PRKN: variants seen among roughly 807,000 people sequenced by gnomAD.
PRKN encodes parkin RBR E3 ubiquitin protein ligase.
In PRKN, 56 loss-of-function variants were observed where a neutral mutation model predicts 59.5. That is an observed-to-expected ratio of 0.94 (90% CI 0.76 to 1.18). PRKN has a LOEUF of 1.18. Ranked by LOEUF, PRKN falls within the 50% of genes most tolerant of loss-of-function variation. The probability of loss-of-function intolerance (pLI) is 0.00; values close to 1 mark genes in which losing one functional copy is unlikely to be tolerated. For synonymous variants in PRKN, 250 were observed against 222.1 expected, an observed-to-expected ratio of 1.13 and a Z score of -1.12; for missense variants, 657 against 596.4, an observed-to-expected ratio of 1.10 and a Z score of -1.06.
intron 2 of PRKN, among the ~76,000 whole-genome samples, chr6:162,400,255 T>G (rs1264948817): frequency 6.6e-6 from 1 of 151,240 alleles, no homozygotes; most frequent in African/African-American, 2.4e-5. Flanking sequence ...AAAGAAGATT[T>G]GAATCTACAT....
intron 2 of PRKN, chr6:162,263,253 T>C: frequency 4.8e-6 from 1 of 210,226 alleles, no homozygotes; most frequent in East Asian, 1.2e-4. Context: ...CTACGAAAAA[T>C]ATTCTTAAAT....
intron 1 of PRKN, among the ~76,000 whole-genome samples, chr6:162,558,409 A>C (rs577293577): frequency 6.9e-6 from 1 of 145,534 alleles, no homozygotes; most frequent in Non-Finnish European, 1.5e-5. Flanking sequence ...GGCTCACTGC[A>C]ACCTCCGCCT....
chr6:162,062,215 A>G (rs1160814207), intron 4 of PRKN, among the ~76,000 whole-genome samples: 2 of 152,228 alleles, frequency 1.3e-5, no homozygotes, highest in East Asian at 1.9e-4. Context: ...TAGTATGACT[A>G]TTCAGTGGAT....
intron 2 of PRKN, among the ~76,000 whole-genome samples, chr6:162,406,281 C>CA (rs1788067014): frequency 1.3e-5 from 2 of 152,286 alleles, no homozygotes; most frequent in African/African-American, 4.8e-5. Context: ...CAGATGGCTG[C>CA]AAGAGTTGGA....
intron 4 of PRKN, among the ~76,000 whole-genome samples, chr6:162,097,710 A>C (rs1006763495): frequency 6.6e-6 from 1 of 152,234 alleles, no homozygotes. Context: ...CATCTTGTTT[A>C]TTCACAAATT....
intron 4 of PRKN, among the ~76,000 whole-genome samples, chr6:162,187,811 C>T (rs540617978): frequency 9.2e-5 from 14 of 152,242 alleles, no homozygotes; most frequent in African/African-American, 3.4e-4. Flanking sequence ...ACAAAAGAAT[C>T]CTCAGTAAAA....
At chr6:161,366,980 TC>T (rs1785227515) in intron 10 of PRKN, among the ~76,000 whole-genome samples, 1 of 140,500 alleles carries the variant, frequency 7.1e-6, no homozygotes, top group South Asian at 2.2e-4. Context: ...TTTTTTTGTT[TC>T]CTTTTTTTTT....
intron 1 of PRKN, among the ~76,000 whole-genome samples, chr6:162,687,194 T>A (rs1354642645): frequency 6.6e-6 from 1 of 150,792 alleles, no homozygotes; most frequent in African/African-American, 2.4e-5. Context: ...TTTTCTTTTT[T>A]TTTTTTTTTG....
At chr6:162,247,625 T>G (rs1779254545) in intron 3 of PRKN, among the ~76,000 whole-genome samples, 1 of 152,216 alleles carries the variant, frequency 6.6e-6, no homozygotes, top group South Asian at 2.1e-4. Context: ...AATTAATAAA[T>G]TCATCTTAGA....
intron 2 of PRKN, among the ~76,000 whole-genome samples, chr6:162,377,601 C>A (rs1324378298): frequency 6.6e-6 from 1 of 152,228 alleles, no homozygotes; most frequent in Non-Finnish European, 1.5e-5. Context: ...ACACACGCCA[C>A]AGGCCCATGG....
intron 4 of PRKN, among the ~76,000 whole-genome samples, chr6:162,196,154 A>G (rs1050191705): frequency 6.6e-6 from 1 of 152,184 alleles, no homozygotes; most frequent in African/African-American, 2.4e-5. Context: ...CCATGATCAG[A>G]AAGAGTACTG....
rs138852485 is a variant in PRKN at position 161,806,011 on chromosome 6, C to T, written c.735-20103G>A. On this transcript the variant is annotated intron_variant, in intron 6 of 11. Coordinates refer to ENST00000366898, the MANE Select transcript of PRKN (RefSeq NM_004562.3). ...CGACGAGTTCTTCCCCACAGAGCAG[C>T]CTACTCCCTGGCATAGGCCTTCTGG... 8.5e-5 allele frequency among the ~76,000 whole-genome samples: 13 copies of T among 152,340 alleles called. No homozygotes were observed. The East Asian group carries it at 1.5e-3, about 18-fold the overall frequency.
At chr6:162,432,754 C>T (rs1457196451) in intron 2 of PRKN, among the ~76,000 whole-genome samples, 1 of 152,114 alleles carries the variant, frequency 6.6e-6, no homozygotes, top group African/African-American at 2.4e-5. Context: ...CAGAGTGCTT[C>T]CTGATCCTCT....
intron 6 of PRKN, among the ~76,000 whole-genome samples, chr6:161,878,503 G>A (rs1005688222): frequency 3.3e-5 from 5 of 152,036 alleles, no homozygotes; most frequent in African/African-American, 1.2e-4. Context: ...GAATTATTTT[G>A]TGTTTGAATT....
chr6:161,668,446 G>A (rs1784798289), intron 7 of PRKN, among the ~76,000 whole-genome samples: 1 of 152,082 alleles, frequency 6.6e-6, no homozygotes, highest in East Asian at 1.9e-4. Context: ...CATAATATGA[G>A]TACAGGAAAA....
intron 10 of PRKN, among the ~76,000 whole-genome samples, chr6:161,382,664 C>T (rs1440323557): frequency 2.0e-5 from 3 of 152,196 alleles, no homozygotes; most frequent in Non-Finnish European, 4.4e-5. Flanking sequence ...ACTGGACTCT[C>T]GTTAGTCTGT....
chr6:162,120,006 G>A (rs1018285728), intron 4 of PRKN, among the ~76,000 whole-genome samples: 1 of 152,126 alleles, frequency 6.6e-6, no homozygotes. Context: ...GAAGTTCTCT[G>A]TTTTGTTGTT....
At chr6:162,405,047 A>G (rs1043099569) in intron 2 of PRKN, among the ~76,000 whole-genome samples, 1 of 152,156 alleles carries the variant, frequency 6.6e-6, no homozygotes. Context: ...TGTCATAAAA[A>G]CAAAACACCA....
At chr6:162,560,091 CAT>C (rs974485964) in intron 1 of PRKN, among the ~76,000 whole-genome samples, 8 of 152,108 alleles carry the variant, frequency 5.3e-5, no homozygotes, top group African/African-American at 1.9e-4. Context: ...AGGGGATAAA[CAT>C]AACTTATCAA....
Sources: allele counts gnomAD v4.1 joint callset (sites outside exome capture counted in the v4.1 genomes callset), GRCh38; gene constraint gnomAD v4.1.1; transcripts MANE v1.5; gene names NCBI Gene and HGNC (gene_info 2026-07-23, HGNC 2026-07-21).